Variants in WSCD1 observed in about 807,000 individuals in gnomAD.
WSCD1 encodes WSC domain sialate O sulfotransferase 1.
In WSCD1, 41 loss-of-function variants were observed where a neutral mutation model predicts 60.4. That is an observed-to-expected ratio of 0.68 (90% CI 0.53 to 0.88). The LOEUF is 0.88. Among genes scored for constraint, WSCD1 ranks in the 40% least tolerant of loss-of-function variants. WSCD1 has a pLI of 0.00. For synonymous variants in WSCD1, 361 were observed against 332.5 expected, an observed-to-expected ratio of 1.09 and a Z score of -0.93; for missense variants, 784 against 796.2, an observed-to-expected ratio of 0.98 and a Z score of 0.18.
chr17:6,080,605 TG>T lies in WSCD1; in HGVS notation c.-51del. The T allele has an allele frequency of 3.1e-6, 5 of 1,591,346 alleles. No homozygotes were observed. The highest frequency in any genetic ancestry group is 4.3e-6 in the Non-Finnish European group (5 of 1,169,376). The stretch of plus-strand genomic sequence containing the variant: ...CGGAGGCCCTGGCCTCACTCCCACC[TG>T]GGCGCTAGGAGCCATCCCGGGGCTC... On this transcript the variant is annotated 5_prime_UTR_variant, in exon 2 of 9. An upstream open reading frame in the 5' UTR loses its in-frame stop. Transcript: ENST00000317744. This position sits in a 1 kb window ranked among gnomAD's most constrained non-coding sequence, Gnocchi z 6.6.
intron 5 of WSCD1, among the ~76,000 whole-genome samples, chr17:6,106,490 A>G (rs762422950): frequency 3.9e-5 from 6 of 152,238 alleles, no homozygotes; most frequent in Non-Finnish European, 7.3e-5. Context: ...TCTGAATGAA[A>G]GAAGCCAGGC....
Position 6,087,990 on chromosome 17 carries a change from G to A in WSCD1, c.428G>A (p.Gly143Asp), listed in dbSNP as rs1392446373. ...EAARPAIHSR[G>D]TYIGCFSDDG... ...ATTAGCCATGCTTCCCTTTCTGCAG[G>A]CACCTACATTGGATGCTTCAGTGAC... is the stretch of plus-strand genomic sequence containing the variant. The change falls in exon 3 of 9, where the codon GGC becomes GAC. Residue 143 changes from glycine to aspartate, a missense_variant and splice_region_variant. Transcript: ENST00000317744. The A allele has an allele frequency of 6.2e-7, 1 of 1,611,642 alleles. No homozygotes were observed. Among genetic ancestry groups the A allele is most frequent in the Non-Finnish European group, 8.5e-7 (1 of 1,177,834 alleles).
At position 6,110,485 on chromosome 17, in the gene WSCD1, G is replaced by T. The variant is rs1911347785; in HGVS notation, c.1010-286G>T. ...GTGCTATGTCAGGAGCAAGAGTTTG[G>T]CTGTGGCCATAGAGACAGAATGGGA... On this transcript the variant is annotated intron_variant, in intron 6 of 8. Coordinates refer to ENST00000317744, the MANE Select transcript of WSCD1 (RefSeq NM_015253.2). The surrounding 1 kb of genome is among the most constrained non-coding windows in gnomAD (Gnocchi z 4.8). Among the ~76,000 whole-genome samples the T allele has an allele frequency of 6.6e-6, 1 of 152,198 alleles. No individual in the cohort carries two copies.
In WSCD1 at chr17:6,075,311, C is replaced by G. The variant is rs1016539531; in HGVS notation, c.-289+4659C>G. 2.0e-5 allele frequency among the ~76,000 whole-genome samples: 3 copies of G among 152,098 alleles called. No individual in the cohort carries two copies. Among genetic ancestry groups the G allele is most frequent in the African/African-American group, 7.2e-5 (3 of 41,398 alleles). On this transcript the variant is annotated intron_variant, in intron 1 of 8. Transcript: ENST00000317744. The surrounding 1 kb of genome is among the most constrained non-coding windows in gnomAD (Gnocchi z 4.1). ...ACCGGGGGTCACGGGGAGGTTGAGT[C>G]ATCTGACTGAACCCCAGTGGCCACT...
intron 1 of WSCD1, among the ~76,000 whole-genome samples, chr17:6,073,762 G>C (rs4413017): frequency 0.64 from 97,218 of 152,266 alleles, 32,966 homozygotes; most frequent in East Asian, 0.91. Context: ...CGCTGGTGCT[G>C]TGTCTTTCTG....
rs1411748513 is a variant in WSCD1 at position 6,110,746 on chromosome 17, C to T, written c.1010-25C>T. ...GTGAGTCATAATGGAAGTGAGTAAC[C>T]CCGTGATGACTTTTGGACTTTCAGA... is the stretch of plus-strand genomic sequence containing the variant. On this transcript the variant is annotated intron_variant, in intron 6 of 8. Transcript: ENST00000317744. The surrounding 1 kb of genome is among the most constrained non-coding windows in gnomAD (Gnocchi z 4.8). 5.0e-6 allele frequency: 8 copies of T among 1,593,982 alleles called. No individual in the cohort carries two copies. Among genetic ancestry groups the T allele is most frequent in the Non-Finnish European group, 6.9e-6 (8 of 1,165,714 alleles).
At chr17:6,081,392 A>G (rs1025036818) in intron 2 of WSCD1, among the ~76,000 whole-genome samples, 2 of 151,924 alleles carry the variant, frequency 1.3e-5, no homozygotes, top group African/African-American at 4.8e-5. Flanking sequence ...ATCTCAGAGA[A>G]TCTAGTAGGA....
chr17:6,109,832 T>G, intron 6 of WSCD1, 66 bp downstream of exon 6: 1 of 1,572,300 alleles, frequency 6.4e-7, no homozygotes, highest in African/African-American at 1.3e-5. Context: ...TTCCAGGGTT[T>G]GGAGATGCCA....
intron 2 of WSCD1, among the ~76,000 whole-genome samples, chr17:6,084,187 G>C (rs1260468995): frequency 6.6e-6 from 1 of 152,192 alleles, no homozygotes; most frequent in African/African-American, 2.4e-5. Flanking sequence ...ATTCTGAATG[G>C]TCAGTGCCCT....
In WSCD1 at chr17:6,087,973, T is replaced by C. The variant is rs1254239826; in HGVS notation, c.428-17T>C. The C allele has an allele frequency of 1.9e-6, 3 of 1,597,086 alleles. No homozygotes were observed. The Admixed American group carries it at 5.0e-5, about 27-fold the overall frequency. Reference sequence around the variant, plus strand: ...ATTCCTGGGCCTCTGGTATTAGCCATGCTTCCCTTTCTGCAGGCACCTACA... The same window carrying C: ...ATTCCTGGGCCTCTGGTATTAGCCACGCTTCCCTTTCTGCAGGCACCTACA... On this transcript the variant is annotated splice_polypyrimidine_tract_variant and intron_variant, in intron 2 of 8. Transcript: ENST00000317744.
chr17:6,119,193 G>A (rs1263088212), intron 8 of WSCD1, among the ~76,000 whole-genome samples: 2 of 152,188 alleles, frequency 1.3e-5, no homozygotes, highest in African/African-American at 4.8e-5. Flanking sequence ...AATTTGGGGG[G>A]CATACAAGCA....
Position 6,120,313 on chromosome 17 carries a change from G to A in WSCD1, c.1380G>A (p.Trp460Ter), listed in dbSNP as rs766808913. 3.7e-6 allele frequency: 6 copies of A among 1,613,138 alleles called. No homozygotes were observed. The highest frequency in any genetic ancestry group is 3.3e-5 in the Admixed American group (2 of 59,990). Residue 460 changes from tryptophan to a stop codon, truncating the protein, a stop_gained, in exon 9 of 9, where the codon TGG (tryptophan) becomes TGA (stop). Coordinates refer to ENST00000317744, the MANE Select transcript of WSCD1 (RefSeq NM_015253.2). LOFTEE classifies it high-confidence loss of function. ...TCTCTCCTGTCCTCACTCTAGAGTG[G>A]CCGGACTTTGTCAACAGCTACGCCT... ...AADRNWKSKE[W>*]PDFVNSYASW...
chr17:6,120,190 C>T (rs1027394496), intron 8 of WSCD1, 119 bp from the exon 9 acceptor site: 6 of 1,106,808 alleles, frequency 5.4e-6, no homozygotes, highest in Non-Finnish European at 6.5e-6. Flanking sequence ...GCCAGGTTGA[C>T]TCTAGGCAGT....
chr17:6,070,257 A>T (rs1908441396), upstream of WSCD1, among the ~76,000 whole-genome samples: 1 of 140,370 alleles, frequency 7.1e-6, no homozygotes, highest in South Asian at 2.2e-4. Context: ...GGGCCGGGGC[A>T]GGGCGTGGGC....
At chr17:6,074,593 A>C (rs540855729) in intron 1 of WSCD1, among the ~76,000 whole-genome samples, 1 of 152,358 alleles carries the variant, frequency 6.6e-6, no homozygotes, top group Admixed American at 6.5e-5. Flanking sequence ...CTTGCTGCTT[A>C]GTGCCTAGCA....
At chr17:6,116,505 A>G (rs563547127) in intron 7 of WSCD1, among the ~76,000 whole-genome samples, 34 of 152,328 alleles carry the variant, frequency 2.2e-4, no homozygotes, top group African/African-American at 6.5e-4. Flanking sequence ...AAGGCAGAAT[A>G]GCTGTTGTTG....
At chr17:6,097,560 A>G (rs1910522922) in intron 5 of WSCD1, among the ~76,000 whole-genome samples, 1 of 152,200 alleles carries the variant, frequency 6.6e-6, no homozygotes, top group African/African-American at 2.4e-5. Flanking sequence ...GTGCTTTCTC[A>G]TTCTTTTTTA....
At position 6,110,917 on chromosome 17, in the gene WSCD1, G is replaced by A. The variant is rs1335337999; in HGVS notation, c.1156G>A (p.Gly386Arg). The A allele has an allele frequency of 1.2e-6, 2 of 1,607,168 alleles. No individual in the cohort carries two copies. Among genetic ancestry groups the A allele is most frequent in the Non-Finnish European group, 1.7e-6 (2 of 1,174,544 alleles). ...GFYTGSYYFD[G>R]TLYNKGFKGE... ...CTATACAGGGAGCTACTACTTTGAT[G>A]GAACCCTCTACAACAAAGGTAAGTC... is the stretch of plus-strand genomic sequence containing the variant. The change falls in exon 7 of 9, where the codon GGA (glycine) becomes AGA (arginine). Residue 386 changes from glycine to arginine, a missense_variant. By Grantham distance (125) the Gly-to-Arg change is moderately radical. Transcript: ENST00000317744. This position sits in a 1 kb window ranked among gnomAD's most constrained non-coding sequence, Gnocchi z 4.8.
In WSCD1 at chr17:6,080,593, C is replaced by T; in HGVS notation, c.-66C>T. On this transcript the variant is annotated 5_prime_UTR_variant, in exon 2 of 9. Coordinates refer to ENST00000317744, the MANE Select transcript of WSCD1 (RefSeq NM_015253.2). This position sits in a 1 kb window ranked among gnomAD's most constrained non-coding sequence, Gnocchi z 6.6. ...GGATGACGCCTCCGGAGGCCCTGGC[C>T]TCACTCCCACCTGGGCGCTAGGAGC... 4 of 1,566,158 alleles carry T rather than the reference C, an allele frequency of 2.6e-6. No individual in the cohort carries two copies. Among genetic ancestry groups the T allele is most frequent in the Non-Finnish European group, 3.5e-6 (4 of 1,152,540 alleles).
Sources: allele counts gnomAD v4.1 joint callset (sites outside exome capture counted in the v4.1 genomes callset), GRCh38; gene constraint gnomAD v4.1.1; non-coding constraint Gnocchi (gnomAD v3.1); transcripts MANE v1.5; gene names NCBI Gene and HGNC (gene_info 2026-07-23, HGNC 2026-07-21).